DGKB: variants seen among roughly 807,000 people sequenced by gnomAD.
DGKB encodes 90 kDa diacylglycerol kinase.
Under a neutral mutation model 114.3 loss-of-function variants are expected in DGKB, and 67 were observed. The ratio of observed to expected loss-of-function variants is 0.59; its 90% CI spans 0.48 to 0.72. The LOEUF is 0.72. Among genes scored for constraint, DGKB ranks in the 30% least tolerant of loss-of-function variants. The probability of loss-of-function intolerance (pLI) is 0.00; values close to 1 mark genes in which losing one functional copy is unlikely to be tolerated. For synonymous variants in DGKB, 398 were observed against 323.1 expected, an observed-to-expected ratio of 1.23 and a Z score of -2.49; for missense variants, 907 against 975.2, an observed-to-expected ratio of 0.93 and a Z score of 0.93.
At chr7:14,932,176 G>T (rs2128251246) in intron 1 of DGKB, among the ~76,000 whole-genome samples, 1 of 152,258 alleles carries the variant, frequency 6.6e-6, no homozygotes, top group South Asian at 2.1e-4. Flanking sequence ...AATCCCATGT[G>T]GGAAGATGGG....
At chr7:14,217,739 A>C (rs1789235623) in intron 23 of DGKB, among the ~76,000 whole-genome samples, 1 of 152,082 alleles carries the variant, frequency 6.6e-6, no homozygotes, top group African/African-American at 2.4e-5. Context: ...CAAACTATCT[A>C]GTCCCTTACG....
chr7:14,262,951 C>A (rs1402243379), intron 23 of DGKB, among the ~76,000 whole-genome samples: 1 of 151,888 alleles, frequency 6.6e-6, no homozygotes, highest in South Asian at 2.1e-4. Context: ...TCCCATTACA[C>A]ATCAAGGAAG....
intron 1 of DGKB, among the ~76,000 whole-genome samples, chr7:14,969,761 C>G (rs1193793617): frequency 6.6e-6 from 1 of 152,160 alleles, no homozygotes; most frequent in Non-Finnish European, 1.5e-5. Flanking sequence ...TGGTCTACTA[C>G]ACGACTAAGC....
At chr7:14,349,905 A>C (rs1426939707) in intron 21 of DGKB, among the ~76,000 whole-genome samples, 1 of 152,174 alleles carries the variant, frequency 6.6e-6, no homozygotes, top group East Asian at 1.9e-4. Context: ...ACCTATTGTG[A>C]AATGGTCACA....
intron 23 of DGKB, among the ~76,000 whole-genome samples, chr7:14,315,304 G>C (rs945688387): frequency 2.7e-4 from 40 of 150,894 alleles, no homozygotes; most frequent in African/African-American, 9.2e-4. Context: ...AATGTAAATG[G>C]ACTAAATGCT....
At chr7:14,629,509 C>T (rs747102901) in intron 14 of DGKB, among the ~76,000 whole-genome samples, 1 of 151,796 alleles carries the variant, frequency 6.6e-6, no homozygotes, top group Non-Finnish European at 1.5e-5. Flanking sequence ...TTCATATAAG[C>T]AATACTTTCT....
chr7:14,318,960 A>G (rs899655154), intron 23 of DGKB, among the ~76,000 whole-genome samples: 1 of 152,194 alleles, frequency 6.6e-6, no homozygotes, highest in Non-Finnish European at 1.5e-5. Flanking sequence ...TGCAGCCATA[A>G]AAAATGATGC....
intron 23 of DGKB, among the ~76,000 whole-genome samples, chr7:14,327,562 A>C (rs928398331): frequency 1.3e-5 from 2 of 152,126 alleles, no homozygotes; most frequent in Non-Finnish European, 2.9e-5. Flanking sequence ...ACTTCATTGC[A>C]TATCTCTGAG....
intron 23 of DGKB, among the ~76,000 whole-genome samples, chr7:14,306,709 A>G (rs1204066561): frequency 1.3e-5 from 2 of 152,116 alleles, no homozygotes; most frequent in Non-Finnish European, 2.9e-5. Context: ...AGCTTTGACA[A>G]TTGAGTTCTT....
At chr7:14,746,528 C>T (rs1383165460) in intron 4 of DGKB, among the ~76,000 whole-genome samples, 4 of 152,070 alleles carry the variant, frequency 2.6e-5, no homozygotes, top group African/African-American at 9.7e-5. Flanking sequence ...CAAAGTCTTG[C>T]TCTTCCCCAC....
chr7:14,574,017 C>CT (rs1798762534), intron 20 of DGKB, among the ~76,000 whole-genome samples, 195 bp downstream of exon 20: 1 of 152,052 alleles, frequency 6.6e-6, no homozygotes, highest in Admixed American at 6.5e-5. Context: ...TGCTGATACT[C>CT]TGACTTCAAA....
chr7:14,544,388 A>G (rs1220925436), intron 20 of DGKB, among the ~76,000 whole-genome samples: 1 of 152,198 alleles, frequency 6.6e-6, no homozygotes, highest in African/African-American at 2.4e-5. Flanking sequence ...TGTTTTAATC[A>G]AAGGACACAC....
intron 4 of DGKB, among the ~76,000 whole-genome samples, chr7:14,747,206 T>A (rs911942902): frequency 2.0e-3 from 305 of 150,414 alleles, no homozygotes; most frequent in African/African-American, 7.1e-3. Context: ...TTTTTTTTTT[T>A]TCCTAAGAGA....
At chr7:14,945,067 T>G (rs1320490212) in intron 1 of DGKB, among the ~76,000 whole-genome samples, 1 of 151,728 alleles carries the variant, frequency 6.6e-6, no homozygotes, top group Non-Finnish European at 1.5e-5. Context: ...ATATTCATAA[T>G]AACATGAAAG....
chr7:14,421,344 C>A (rs1315131862), intron 21 of DGKB, among the ~76,000 whole-genome samples: 1 of 151,888 alleles, frequency 6.6e-6, no homozygotes, highest in Non-Finnish European at 1.5e-5. Flanking sequence ...CGATCAGAAC[C>A]CTTTATCTAG....
At chr7:14,759,997 C>T (rs564159099) in intron 2 of DGKB, among the ~76,000 whole-genome samples, 6 of 152,220 alleles carry the variant, frequency 3.9e-5, no homozygotes, top group South Asian at 4.1e-4. Flanking sequence ...ATTAGTCATT[C>T]GCTAATGACT....
At chr7:14,175,809 T>G (rs375786274) in intron 25 of DGKB, among the ~76,000 whole-genome samples, 61 of 151,984 alleles carry the variant, frequency 4.0e-4, no homozygotes, top group African/African-American at 1.5e-3. Context: ...CTCCTTAGTG[T>G]CTTTTTTTTG....
At chr7:14,627,799 C>T (rs866798693) in intron 14 of DGKB, among the ~76,000 whole-genome samples, 13 of 151,616 alleles carry the variant, frequency 8.6e-5, no homozygotes, top group South Asian at 2.1e-4. Context: ...AAAAATTAGC[C>T]GGGCGTGGTC....
intron 23 of DGKB, among the ~76,000 whole-genome samples, chr7:14,217,913 G>A (rs1252246388): frequency 6.6e-6 from 1 of 151,938 alleles, no homozygotes; most frequent in Non-Finnish European, 1.5e-5. Context: ...TGAATCCATG[G>A]TCCTGTCCAT....
Sources: allele counts gnomAD v4.1 joint callset (sites outside exome capture counted in the v4.1 genomes callset), GRCh38; gene constraint gnomAD v4.1.1; transcripts MANE v1.5; gene names NCBI Gene and HGNC (gene_info 2026-07-23, HGNC 2026-07-21).